ST3GAL3: variants seen among roughly 807,000 people sequenced by gnomAD.
ST3GAL3 encodes ST3 beta-galactoside alpha-2,3-sialyltransferase 3.
In ST3GAL3, 21 loss-of-function variants were observed where a neutral mutation model predicts 50.1. That is an observed-to-expected ratio of 0.42 (90% CI 0.30 to 0.60). ST3GAL3 has a LOEUF of 0.60. ST3GAL3 is among the 20% of genes least tolerant of loss of function. The pLI, the probability that ST3GAL3 is intolerant of heterozygous loss-of-function variation, is 0.19. For synonymous variants in ST3GAL3, 183 were observed against 190.0 expected (o/e 0.96, Z 0.30); for missense variants, 353 against 489.4 (o/e 0.72, Z 2.63).
At chr1:43,844,979 T>G (rs1378767082) in intron 5 of ST3GAL3, among the ~76,000 whole-genome samples, 1 of 152,182 alleles carries the variant, frequency 6.6e-6, no homozygotes, top group Non-Finnish European at 1.5e-5. Flanking sequence ...GTAGGAAGGC[T>G]TTTGTTGTTG....
rs1248098006 is a variant in ST3GAL3, at chr1:43,899,449, T to A, written c.558-92T>A. 2.5e-6 allele frequency: 4 copies of A among 1,587,200 alleles called. No individual in the cohort carries two copies. The highest frequency in any genetic ancestry group is 3.4e-6 in the Non-Finnish European group (4 of 1,166,652). On this transcript the variant is annotated intron_variant, in intron 8 of 11. Coordinates refer to ENST00000347631, the MANE Select transcript of ST3GAL3 (RefSeq NM_006279.5). This position sits in a 1 kb window ranked among gnomAD's most constrained non-coding sequence, Gnocchi z 5.4. ...CTGGGGAGAATAGGTCCAGGTGACCTGGACTCCCTATTCTCCATGCCTGGG... is the reference window on the plus strand; with the variant it reads ...CTGGGGAGAATAGGTCCAGGTGACCAGGACTCCCTATTCTCCATGCCTGGG...
At chr1:43,918,776 C>T (rs1030061011) in intron 9 of ST3GAL3, among the ~76,000 whole-genome samples, 19 of 152,056 alleles carry the variant, frequency 1.2e-4, no homozygotes, top group African/African-American at 4.6e-4. Flanking sequence ...TAAACCTGTA[C>T]ATTAATCTGG....
At chr1:43,847,734 ATAC>A in intron 5 of ST3GAL3, among the ~76,000 whole-genome samples, 1 of 152,356 alleles carries the variant, frequency 6.6e-6, no homozygotes, top group Admixed American at 6.5e-5. Flanking sequence ...AAAATAACTA[ATAC>A]TACTGAATTG....
chr1:43,813,314 G>A (rs903325753), intron 3 of ST3GAL3, among the ~76,000 whole-genome samples: 57 of 152,222 alleles, frequency 3.7e-4, no homozygotes, highest in African/African-American at 1.4e-3. Flanking sequence ...TTATGGAATG[G>A]TAAGATAGGA....
At chr1:43,784,683 A>G (rs2057059247) in intron 2 of ST3GAL3, among the ~76,000 whole-genome samples, 1 of 152,208 alleles carries the variant, frequency 6.6e-6, no homozygotes, top group East Asian at 1.9e-4. Flanking sequence ...AACTCTGTAT[A>G]TGTTTGGTAA....
intron 3 of ST3GAL3, among the ~76,000 whole-genome samples, chr1:43,800,443 C>T (rs964716384): frequency 6.6e-6 from 1 of 152,184 alleles, no homozygotes; most frequent in African/African-American, 2.4e-5. Context: ...GTGGTATGGC[C>T]AGGGCCTTCT....
intron 1 of ST3GAL3, among the ~76,000 whole-genome samples, chr1:43,735,456 A>T (rs1677986284): frequency 6.6e-6 from 1 of 152,208 alleles, no homozygotes; most frequent in Non-Finnish European, 1.5e-5. Context: ...AGGGGACCAC[A>T]TGGAAAGCAT....
intron 5 of ST3GAL3, among the ~76,000 whole-genome samples, chr1:43,864,496 A>G (rs1224955038): frequency 6.6e-6 from 1 of 152,194 alleles, no homozygotes. Context: ...CATGGAGGGA[A>G]GGAGACACAC....
intron 9 of ST3GAL3, chr1:43,919,960 G>T: frequency 3.0e-6 from 1 of 330,704 alleles, no homozygotes; most frequent in East Asian, 7.8e-5. Flanking sequence ...GATGGAGAGA[G>T]CCAGGAGAGA....
intron 4 of ST3GAL3, among the ~76,000 whole-genome samples, chr1:43,823,606 A>G (rs2062397897): frequency 6.6e-6 from 1 of 152,096 alleles, no homozygotes; most frequent in Non-Finnish European, 1.5e-5. Flanking sequence ...CATTTTCTCC[A>G]GGGTATCTAT....
intron 1 of ST3GAL3, among the ~76,000 whole-genome samples, chr1:43,729,568 C>T (rs556125094): frequency 4.6e-5 from 7 of 152,202 alleles, no homozygotes; most frequent in Non-Finnish European, 8.8e-5. Flanking sequence ...AACCTAGACC[C>T]CTCACATGGA....
intron 5 of ST3GAL3, among the ~76,000 whole-genome samples, chr1:43,855,186 T>A (rs964827445): frequency 6.6e-6 from 1 of 152,192 alleles, no homozygotes; most frequent in Non-Finnish European, 1.5e-5. Context: ...ACATAAAGTG[T>A]CACGCCATTT....
At chr1:43,752,273 G>A (rs1018630186) in intron 2 of ST3GAL3, among the ~76,000 whole-genome samples, 2 of 152,074 alleles carry the variant, frequency 1.3e-5, no homozygotes, top group African/African-American at 4.8e-5. Context: ...CCTTTTTTGA[G>A]ATCACACTGG....
At chr1:43,833,114 G>C (rs1404838629) in intron 4 of ST3GAL3, among the ~76,000 whole-genome samples, 3 of 152,184 alleles carry the variant, frequency 2.0e-5, no homozygotes, top group African/African-American at 7.2e-5. Context: ...GATGGTTCTA[G>C]AAACTAGACT....
chr1:43,834,386 C>T (rs2063977066), intron 4 of ST3GAL3, among the ~76,000 whole-genome samples: 1 of 152,170 alleles, frequency 6.6e-6, no homozygotes, highest in African/African-American at 2.4e-5. Context: ...CAGTTTGTCT[C>T]TTCCTGTTTT....
intron 9 of ST3GAL3, among the ~76,000 whole-genome samples, chr1:43,906,399 T>C (rs1270943675): frequency 7.3e-6 from 1 of 136,978 alleles, no homozygotes; most frequent in African/African-American, 2.8e-5. Context: ...CCGCCACTTT[T>C]CTTCCACCTC....
chr1:43,868,849 T>C (rs2154243671), intron 5 of ST3GAL3, among the ~76,000 whole-genome samples: 1 of 152,036 alleles, frequency 6.6e-6, no homozygotes, highest in South Asian at 2.1e-4. Context: ...ACACCCGAGA[T>C]GGAAATAGTC....
intron 2 of ST3GAL3, among the ~76,000 whole-genome samples, chr1:43,777,360 C>T (rs1697665724): frequency 6.6e-6 from 1 of 152,162 alleles, no homozygotes; most frequent in African/African-American, 2.4e-5. Context: ...AGGCATCATA[C>T]TACCCAACTT....
Position 43,711,656 on chromosome 1 carries a change from C to G in ST3GAL3, c.-31+3963C>G, listed in dbSNP as rs536976134. Among the ~76,000 whole-genome samples, 4 of 152,280 alleles carry G rather than the reference C, an allele frequency of 2.6e-5. No homozygotes were observed. The East Asian group carries it at 7.7e-4, about 29-fold the overall frequency. On this transcript the variant is annotated intron_variant, in intron 1 of 11. Transcript: ENST00000347631. ...TGGTAGATTCAGAGTCAAAACTCTT[C>G]CAAGCACTTGTAAATGCTCACAGGC... is the stretch of plus-strand genomic sequence containing the variant.
Sources: allele counts gnomAD v4.1 joint callset (sites outside exome capture counted in the v4.1 genomes callset), GRCh38; gene constraint gnomAD v4.1.1; non-coding constraint Gnocchi (gnomAD v3.1); transcripts MANE v1.5; gene names NCBI Gene and HGNC (gene_info 2026-07-23, HGNC 2026-07-21).